Variants in KHDRBS2 observed in about 807,000 individuals in gnomAD.
KHDRBS2 encodes the protein KH domain-containing, RNA-binding, signal transduction-associated protein 2.
KHDRBS2 carries 26 observed loss-of-function variants against 44.3 expected under a neutral mutation model. The observed-to-expected ratio is 0.59, with a 90% CI of 0.43 to 0.81. The LOEUF is 0.81. Among genes scored for constraint, KHDRBS2 ranks in the 40% least tolerant of loss-of-function variants. The pLI is 0.00. For missense variants in KHDRBS2, 476 were observed against 433.1 expected, an observed-to-expected ratio of 1.10 and a Z score of -0.88; for synonymous variants, 194 against 151.1, an observed-to-expected ratio of 1.28 and a Z score of -2.08.
the KHDRBS2 span, among the ~76,000 whole-genome samples, chr6:61,542,877 GA>G: frequency 6.6e-6 from 1 of 151,828 alleles, no homozygotes; most frequent in Non-Finnish European, 1.5e-5. Context: ...GCTGGAAACA[GA>G]AAAACAAGAT....
At chr6:61,563,257 T>C in the KHDRBS2 span, among the ~76,000 whole-genome samples, 3 of 152,108 alleles carry the variant, frequency 2.0e-5, no homozygotes, top group African/African-American at 7.2e-5. Flanking sequence ...TTATTGCTTT[T>C]GTCATGTCAA....
Position 61,955,721 on chromosome 6 carries a change from T to C in KHDRBS2, c.483+22345A>G, listed in dbSNP as rs555729034. ...GTGTATATATACACATATGTATGTATACATATATAGACAGAGAGAGAGGTA... is the reference window on the plus strand; with the variant it reads ...GTGTATATATACACATATGTATGTACACATATATAGACAGAGAGAGAGGTA... On this transcript the variant is annotated intron_variant, in intron 4 of 8. Coordinates refer to ENST00000281156, the MANE Select transcript of KHDRBS2 (RefSeq NM_152688.4). Among the ~76,000 whole-genome samples the C allele has an allele frequency of 2.2e-3, 246 of 113,904 alleles. 18 individuals carry two copies. The South Asian group carries it at 0.057, about 26-fold the overall frequency. The allele number at this position is 113,904 out of a possible 152,430, so 74.7% of individuals were successfully genotyped here.
At chr6:62,014,844 T>G (rs1413213032) in intron 3 of KHDRBS2, among the ~76,000 whole-genome samples, 1 of 152,146 alleles carries the variant, frequency 6.6e-6, no homozygotes, top group East Asian at 1.9e-4. Flanking sequence ...TAAATTACAT[T>G]ACATAAGAAA....
At chr6:61,938,090 T>C (rs1811375431) in intron 4 of KHDRBS2, among the ~76,000 whole-genome samples, 1 of 152,116 alleles carries the variant, frequency 6.6e-6, no homozygotes, top group South Asian at 2.1e-4. Flanking sequence ...GTCTACCTTT[T>C]GGGTTTACAG....
At chr6:61,955,045 T>C (rs552662305) in intron 4 of KHDRBS2, among the ~76,000 whole-genome samples, 2 of 145,110 alleles carry the variant, frequency 1.4e-5, no homozygotes, top group South Asian at 2.2e-4. Flanking sequence ...TACATGTATG[T>C]ATACATATAT....
rs370458898 is a variant in KHDRBS2 at position 61,965,392 on chromosome 6, C to G, written c.483+12674G>C. 2.1e-4 allele frequency among the ~76,000 whole-genome samples: 32 copies of G among 152,156 alleles called. No homozygotes were observed. The Middle Eastern group carries it at 0.01, about 49-fold the overall frequency. ...TAGGCATCCTGCTCATTCCTGATCTCTAAGTATTTACCAGATGACAAAAGT... is the reference window on the plus strand; with the variant it reads ...TAGGCATCCTGCTCATTCCTGATCTGTAAGTATTTACCAGATGACAAAAGT... On this transcript the variant is annotated intron_variant, in intron 4 of 8. Coordinates refer to ENST00000281156, the MANE Select transcript of KHDRBS2 (RefSeq NM_152688.4).
the KHDRBS2 span, among the ~76,000 whole-genome samples, chr6:61,579,846 T>C: frequency 4.7e-4 from 50 of 105,860 alleles, no homozygotes; most frequent in African/African-American, 1.6e-3. Flanking sequence ...TCGCCTGAGG[T>C]TGGGAGTTTG....
At chr6:62,104,299 T>A (rs1343692334) in intron 2 of KHDRBS2, among the ~76,000 whole-genome samples, 1 of 152,180 alleles carries the variant, frequency 6.6e-6, no homozygotes, top group Admixed American at 6.5e-5. Context: ...AAGTCTTTTT[T>A]TTTTAATTAT....
rs558842483 is a variant in KHDRBS2, at chr6:61,780,009, C to A, written c.811-47245G>T. Among the ~76,000 whole-genome samples the A allele has an allele frequency of 5.9e-5, 9 of 152,006 alleles. No homozygotes were observed. In the South Asian group the frequency reaches 1.0e-3, roughly 18 times the overall value. The stretch of plus-strand genomic sequence containing the variant: ...AATTTCAGTACACTACTGTTTTGTG[C>A]ATCTTATAAAAACAGACATGTGAGA... On this transcript the variant is annotated intron_variant, in intron 6 of 8. Coordinates refer to ENST00000281156, the MANE Select transcript of KHDRBS2 (RefSeq NM_152688.4).
chr6:61,687,429 C>T (rs372649417), intron 8 of KHDRBS2, among the ~76,000 whole-genome samples: 4 of 151,774 alleles, frequency 2.6e-5, no homozygotes, highest in East Asian at 3.9e-4. Context: ...ACATGGCAGG[C>T]ACTCAGTAAT....
At chr6:61,673,084 C>A in the KHDRBS2 span, among the ~76,000 whole-genome samples, 1 of 151,604 alleles carries the variant, frequency 6.6e-6, no homozygotes, top group African/African-American at 2.4e-5. Context: ...GTTTTCCCAG[C>A]ACCATTTATT....
At chr6:62,036,400 G>A (rs1785292182) in intron 3 of KHDRBS2, among the ~76,000 whole-genome samples, 1 of 151,854 alleles carries the variant, frequency 6.6e-6, no homozygotes, top group Non-Finnish European at 1.5e-5. Flanking sequence ...GAGGGTGGAG[G>A]GTTGGAGGAT....
chr6:62,264,717 C>CACATCA (rs2150183957), intron 1 of KHDRBS2, among the ~76,000 whole-genome samples: 1 of 151,660 alleles, frequency 6.6e-6, no homozygotes, highest in South Asian at 2.1e-4. Context: ...TTCCGACTGC[C>CACATCA]TTTCTTTTTT....
chr6:61,593,657 T>C, the KHDRBS2 span, among the ~76,000 whole-genome samples: 3 of 93,626 alleles, frequency 3.2e-5, no homozygotes, highest in Admixed American at 3.2e-4. Context: ...TATTTTTAAG[T>C]TAGCTTTACG....
chr6:62,121,664 C>G, intron 2 of KHDRBS2, among the ~76,000 whole-genome samples: 1 of 152,198 alleles, frequency 6.6e-6, no homozygotes, highest in African/African-American at 2.4e-5. Context: ...ATCATCTCCC[C>G]GGCTTTGTGC....
chr6:62,204,222 A>C (rs1399703718), intron 1 of KHDRBS2, among the ~76,000 whole-genome samples: 1 of 152,202 alleles, frequency 6.6e-6, no homozygotes, highest in Non-Finnish European at 1.5e-5. Context: ...GAGGCAATAT[A>C]AAATTATTGG....
At chr6:61,739,231 ATGCT>A (rs1253612212) in intron 6 of KHDRBS2, among the ~76,000 whole-genome samples, 1 of 151,914 alleles carries the variant, frequency 6.6e-6, no homozygotes, top group African/African-American at 2.4e-5. Context: ...GCACAGATAA[ATGCT>A]TGCTTATTAT....
At chr6:61,857,995 C>T (rs900997313) in intron 6 of KHDRBS2, among the ~76,000 whole-genome samples, 1 of 151,738 alleles carries the variant, frequency 6.6e-6, no homozygotes, top group African/African-American at 2.4e-5. Context: ...ATTTGCATAA[C>T]ATCTAAGAAA....
Position 61,734,945 on chromosome 6 carries a change from G to A in KHDRBS2, c.811-2181C>T, listed in dbSNP as rs922189329. Among the ~76,000 whole-genome samples, 11 of 152,206 alleles carry A rather than the reference G, an allele frequency of 7.2e-5. 1 individual carries two copies. Among genetic ancestry groups the A allele is most frequent in the Non-Finnish European group, 1.2e-4 (8 of 68,022 alleles). ...TGAATTTCTAGGCCTGAAGGCCAAG[G>A]TGTTTTCCTAAGGCCTCTTTCACCA... On this transcript the variant is annotated intron_variant, in intron 6 of 8. Coordinates refer to ENST00000281156, the MANE Select transcript of KHDRBS2 (RefSeq NM_152688.4).
Sources: gnomAD v4.1 joint callset for allele counts (sites outside exome capture counted in the v4.1 genomes callset) on GRCh38, gnomAD v4.1.1 for gene constraint, MANE v1.5 for transcripts, NCBI Gene and HGNC (gene_info 2026-07-23, HGNC 2026-07-21) for gene names.